Variants in PPP2R3A observed in about 807,000 individuals in gnomAD.
PPP2R3A encodes protein phosphatase 2 regulatory subunit B''alpha.
Under a neutral mutation model 106.9 loss-of-function variants are expected in PPP2R3A, and 80 were observed. The observed-to-expected ratio is 0.75, with a 90% CI of 0.62 to 0.90. PPP2R3A has a LOEUF of 0.90. Ranked by LOEUF, PPP2R3A falls within the 40% of genes least tolerant of loss-of-function variation. The probability of loss-of-function intolerance (pLI) is 0.00; values close to 1 mark genes in which losing one functional copy is unlikely to be tolerated. For missense variants in PPP2R3A, 1,386 were observed against 1,350.4 expected, an observed-to-expected ratio of 1.03 and a Z score of -0.41; for synonymous variants, 483 against 468.3, an observed-to-expected ratio of 1.03 and a Z score of -0.41.
intron 2 of PPP2R3A, 43 bp from the exon 3 acceptor site, chr3:136,026,789 C>A (rs767508778): frequency 6.6e-7 from 1 of 1,518,946 alleles, no homozygotes; most frequent in East Asian, 2.3e-5. Flanking sequence ...TAAATGAATA[C>A]TGTTTAAATT....
chr3:136,101,411 G>T (rs1263499084), intron 10 of PPP2R3A, among the ~76,000 whole-genome samples: 1 of 152,002 alleles, frequency 6.6e-6, no homozygotes, highest in African/African-American at 2.4e-5. Flanking sequence ...TTTTTGTTTG[G>T]TTGGTTGGTT....
chr3:136,016,744 G>A (rs1460367423), intron 2 of PPP2R3A, among the ~76,000 whole-genome samples: 2 of 152,042 alleles, frequency 1.3e-5, no homozygotes, highest in East Asian at 1.9e-4. Flanking sequence ...GCAGATACTT[G>A]GTTGGTAAAT....
chr3:136,141,796 C>G (rs1938883329), intron 13 of PPP2R3A, among the ~76,000 whole-genome samples: 1 of 152,130 alleles, frequency 6.6e-6, no homozygotes, highest in African/African-American at 2.4e-5. Flanking sequence ...GTAATCCAAA[C>G]AAGAAAGTAT....
At chr3:136,055,723 C>T (rs1935838536) in intron 5 of PPP2R3A, 2 of 718,342 alleles carry the variant, frequency 2.8e-6, no homozygotes, top group Non-Finnish European at 2.4e-6. Flanking sequence ...TAGAGAAATA[C>T]CACTACTTGG....
In PPP2R3A at chr3:136,003,377, G is replaced by T; in HGVS notation, c.1879G>T (p.Glu627Ter). 1 of 1,613,960 alleles carries T rather than the reference G, an allele frequency of 6.2e-7. No homozygotes were observed. Among genetic ancestry groups the T allele is most frequent in the Non-Finnish European group, 8.5e-7 (1 of 1,179,924 alleles). ...QEKEMMQILQ[E>*]TLTTSSQANL... ...AAAGGAAATGATGCAAATTCTACAGGAAACCTTGACAACTTCCTCCCAGGC... is the reference window on the plus strand; with the variant it reads ...AAAGGAAATGATGCAAATTCTACAGTAAACCTTGACAACTTCCTCCCAGGC... Residue 627 changes from glutamate (E) to a stop codon, truncating the protein, a stop_gained, in exon 2 of 14, where the codon GAA becomes TAA. Transcript: ENST00000264977. LOFTEE classifies it high-confidence loss of function.
At chr3:136,096,601 A>G (rs939796298) in intron 10 of PPP2R3A, among the ~76,000 whole-genome samples, 1 of 152,254 alleles carries the variant, frequency 6.6e-6, no homozygotes, top group Non-Finnish European at 1.5e-5. Flanking sequence ...CACCTTTGTT[A>G]TGCCTAAGGG....
intron 9 of PPP2R3A, among the ~76,000 whole-genome samples, chr3:136,089,213 C>G (rs113971317): frequency 0.044 from 6,750 of 152,068 alleles, 517 homozygotes; most frequent in African/African-American, 0.15. Flanking sequence ...GTTATAGTTT[C>G]AGGTCTGATA....
intron 4 of PPP2R3A, among the ~76,000 whole-genome samples, chr3:136,043,544 C>T (rs1238996941): frequency 6.6e-6 from 1 of 152,192 alleles, no homozygotes; most frequent in African/African-American, 2.4e-5. Context: ...CTCCAAAGGG[C>T]TCTGTTCCAC....
intron 13 of PPP2R3A, among the ~76,000 whole-genome samples, chr3:136,121,928 T>G (rs1262549755): frequency 6.6e-6 from 1 of 152,126 alleles, no homozygotes; most frequent in Non-Finnish European, 1.5e-5. Flanking sequence ...ATGCAATACC[T>G]GAGAATTCTC....
intron 2 of PPP2R3A, among the ~76,000 whole-genome samples, chr3:136,006,006 G>C (rs1933831436): frequency 6.6e-6 from 1 of 152,142 alleles, no homozygotes; most frequent in Non-Finnish European, 1.5e-5. Context: ...GCATAAAGTA[G>C]AAAATGTCTG....
At chr3:136,016,366 T>G (rs1488587673) in intron 2 of PPP2R3A, among the ~76,000 whole-genome samples, 1 of 152,142 alleles carries the variant, frequency 6.6e-6, no homozygotes, top group African/African-American at 2.4e-5. Context: ...GTCCATTGTT[T>G]GTTTGTTGAC....
intron 10 of PPP2R3A, among the ~76,000 whole-genome samples, chr3:136,101,270 G>T (rs975545903): frequency 1.3e-5 from 2 of 152,144 alleles, no homozygotes; most frequent in Non-Finnish European, 2.9e-5. Flanking sequence ...ATAGATAAAA[G>T]AAAAATATAA....
chr3:136,001,709 A>G lies in PPP2R3A; in HGVS notation c.211A>G (p.Met71Val), dbSNP rs146617069. The G allele has an allele frequency of 5.4e-4, 876 of 1,613,956 alleles. No homozygotes were observed. The highest frequency in any genetic ancestry group is 6.8e-4 in the Non-Finnish European group (800 of 1,179,992). The part of the protein sequence containing the change: ...SQFKDADLNS[M>V]FLPHENGLSS... ...GTTCAAAGATGCAGATCTGAACTCT[A>G]TGTTTCTACCCCATGAAAATGGGCT... is the stretch of plus-strand genomic sequence containing the variant. Residue 71 changes from methionine (M) to valine (V), a missense_variant, in exon 2 of 14, where the codon ATG becomes GTG. Met to Val is a conservative substitution (Grantham distance 21). Coordinates refer to ENST00000264977, the MANE Select transcript of PPP2R3A (RefSeq NM_002718.5).
Position 135,986,091 on chromosome 3 carries a change from G to A in PPP2R3A, c.-440-14968G>A, listed in dbSNP as rs139026345. ...CCAGGACTCATATTTTGAGGAGTAT[G>A]GAAGAGAAAAAGAGTCATCATCTAA... On this transcript the variant is annotated intron_variant, in intron 1 of 13. Transcript: ENST00000264977. Among the ~76,000 whole-genome samples, 528 of 152,218 alleles carry A rather than the reference G, an allele frequency of 3.5e-3. 4 individuals are homozygous for A. The highest frequency in any genetic ancestry group is 0.012 in the African/African-American group (490 of 41,538).
chr3:136,042,521 G>A (rs1935323689), intron 4 of PPP2R3A, among the ~76,000 whole-genome samples: 1 of 152,156 alleles, frequency 6.6e-6, no homozygotes, highest in Non-Finnish European at 1.5e-5. Context: ...TTTAAAAAGA[G>A]TGTATGTTGG....
chr3:136,146,783 T>C lies in PPP2R3A; in HGVS notation c.*1617T>C, dbSNP rs1295532105. 1 of 152,122 alleles carries C rather than the reference T, an allele frequency of 6.6e-6. No homozygotes were observed. Among genetic ancestry groups the C allele is most frequent in the East Asian group, 1.9e-4 (1 of 5,192 alleles). 9.4% of individuals were successfully genotyped at this position (152,122 alleles called of 1,614,324 possible). A position where few individuals can be genotyped will look rare whatever the true frequency, so the allele number is the denominator to read the frequency against. ...TGATAAATTATTAAGATTAAGATTA[T>C]TTATGTGATAAATGAAATCTCCTAC... On this transcript the variant is annotated 3_prime_UTR_variant, in exon 14 of 14. Transcript: ENST00000264977.
chr3:136,004,773 G>T (rs1933785296), intron 2 of PPP2R3A, among the ~76,000 whole-genome samples: 1 of 152,006 alleles, frequency 6.6e-6, no homozygotes, highest in South Asian at 2.1e-4. Context: ...GCGTACAGGG[G>T]GCCTGAATAG....
Position 136,131,115 on chromosome 3 carries a change from T to C in PPP2R3A, c.3330-13928T>C, listed in dbSNP as rs1465859396. ...ATAGGCATGGGCAAGGACTTCATGA[T>C]TAAAACACCAAAAGCAATGGCAACA... On this transcript the variant is annotated intron_variant, in intron 13 of 13. Coordinates refer to ENST00000264977, the MANE Select transcript of PPP2R3A (RefSeq NM_002718.5). Among the ~76,000 whole-genome samples, 8 of 152,060 alleles carry C rather than the reference T, an allele frequency of 5.3e-5. No individual in the cohort carries two copies. The South Asian group carries it at 1.5e-3, about 28-fold the overall frequency.
At chr3:136,023,552 A>G (rs1346311911) in intron 2 of PPP2R3A, among the ~76,000 whole-genome samples, 1 of 152,178 alleles carries the variant, frequency 6.6e-6, no homozygotes, top group African/African-American at 2.4e-5. Context: ...TATCCTTGAG[A>G]AACTAGAATT....
Sources: gnomAD v4.1 joint callset for allele counts (sites outside exome capture counted in the v4.1 genomes callset) on GRCh38, gnomAD v4.1.1 for gene constraint, MANE v1.5 for transcripts, NCBI Gene and HGNC (gene_info 2026-07-23, HGNC 2026-07-21) for gene names.